Variants in NTSR1 observed in about 807,000 individuals in gnomAD.
NTSR1 encodes neurotensin receptor 1, also known as neurotensin receptor type 1.
Under a neutral mutation model 31.2 loss-of-function variants are expected in NTSR1, and 29 were observed. The observed-to-expected ratio is 0.93, with a 90% CI of 0.69 to 1.27. The LOEUF is 1.27. NTSR1 is among the 50% of genes most tolerant of loss of function. NTSR1 has a pLI of 0.00. For missense variants in NTSR1, 697 were observed against 595.4 expected (o/e 1.17, Z -1.78); for synonymous variants, 282 against 269.9 (o/e 1.04, Z -0.44).
At chr20:62,736,399 C>T (rs1989093633) in intron 1 of NTSR1, among the ~76,000 whole-genome samples, 1 of 152,250 alleles carries the variant, frequency 6.6e-6, no homozygotes, top group Admixed American at 6.5e-5. Context: ...GAACCAAACC[C>T]CTCTCACAGT....
chr20:62,759,729 C>T (rs111956194), intron 3 of NTSR1, among the ~76,000 whole-genome samples: 6,881 of 146,924 alleles, frequency 0.047, 183 homozygotes, highest in South Asian at 0.078. Flanking sequence ...GAGCCGAGAT[C>T]GCGCCACTGT....
chr20:62,709,600 C>T lies in NTSR1; in HGVS notation c.393C>T (p.His131=). Residue 131 remains histidine, a synonymous_variant, in exon 1 of 4, where the codon CAC becomes CAT. Transcript: ENST00000370501. ...PVELYNFIWV[H]HPWAFGDAGC... Reference sequence around the variant, plus strand: ...AGCTGTACAACTTCATCTGGGTGCACCACCCCTGGGCCTTCGGCGACGCCG... The same window carrying T: ...AGCTGTACAACTTCATCTGGGTGCATCACCCCTGGGCCTTCGGCGACGCCG... 1 of 1,611,678 alleles carries T rather than the reference C, an allele frequency of 6.2e-7. No individual in the cohort carries two copies. Among genetic ancestry groups the T allele is most frequent in the Non-Finnish European group, 8.5e-7 (1 of 1,179,908 alleles).
At chr20:62,752,829 C>G (rs1989417142) in intron 1 of NTSR1, among the ~76,000 whole-genome samples, 1 of 152,132 alleles carries the variant, frequency 6.6e-6, no homozygotes, top group African/African-American at 2.4e-5. Context: ...TTACCTGCCC[C>G]CAGTCTCACC....
intron 1 of NTSR1, among the ~76,000 whole-genome samples, chr20:62,739,764 T>A (rs1485325192): frequency 6.6e-6 from 1 of 152,264 alleles, no homozygotes; most frequent in Non-Finnish European, 1.5e-5. Context: ...ATGTGCCTGA[T>A]GCCCATATGT....
chr20:62,714,365 G>T lies in NTSR1; in HGVS notation c.714+4444G>T, dbSNP rs978104482. Among the ~76,000 whole-genome samples, 4 of 152,204 alleles carry T rather than the reference G, an allele frequency of 2.6e-5. No individual in the cohort carries two copies. The highest frequency in any genetic ancestry group is 9.7e-5 in the African/African-American group (4 of 41,442). On this transcript the variant is annotated intron_variant, in intron 1 of 3. Transcript: ENST00000370501. This position sits in a 1 kb window ranked among gnomAD's most constrained non-coding sequence, Gnocchi z 4.1. ...TTTTCCTGCCTTTTCTATTCAAACG[G>T]TACTTTAGAATAACCCAAGAGTAGA...
In NTSR1 at chr20:62,760,154, C is replaced by G; in HGVS notation, c.1144C>G (p.Leu382Val). The part of the protein sequence containing the change: ...RHIFLATLAC[L>V]CPVWRRRRKR... ...CATCTTCCTGGCCACACTGGCCTGC[C>G]TCTGCCCGGTGTGGCGGCGCAGGAG... The change falls in exon 4 of 4, where the codon CTC (leucine) becomes GTC (valine). Residue 382 changes from leucine to valine, a missense_variant. Coordinates refer to ENST00000370501, the MANE Select transcript of NTSR1 (RefSeq NM_002531.3). 1 of 1,614,194 alleles carries G rather than the reference C, an allele frequency of 6.2e-7. No homozygotes were observed. Among genetic ancestry groups the G allele is most frequent in the Non-Finnish European group, 8.5e-7 (1 of 1,180,040 alleles).
rs767880548 is a variant in NTSR1, at chr20:62,715,295, C to T, written c.714+5374C>T. 3.3e-5 allele frequency among the ~76,000 whole-genome samples: 5 copies of T among 152,106 alleles called. No individual in the cohort carries two copies. Among genetic ancestry groups the T allele is most frequent in the Non-Finnish European group, 7.4e-5 (5 of 68,016 alleles). On this transcript the variant is annotated intron_variant, in intron 1 of 3. Transcript: ENST00000370501. This position sits in a 1 kb window ranked among gnomAD's most constrained non-coding sequence, Gnocchi z 4.7. ...CTGCCTGTTGGAGCCAGGTGGGAGA[C>T]GGCAGGGTGAGGACGTGCAGACATG...
At chr20:62,756,646 C>T (rs1008851150) in intron 2 of NTSR1, 2 of 152,302 alleles carry the variant, frequency 1.3e-5, no homozygotes, top group African/African-American at 4.8e-5. Context: ...GCTCTCAGGG[C>T]TGGCGAAGCC....
At position 62,759,983 on chromosome 20, in the gene NTSR1, C is replaced by G. The variant is rs752945112; in HGVS notation, c.1008-35C>G. ...CCCTGCCTTGGGGCCCTCAAGAGTT[C>G]TCTCTGGGATCTGAGCGCCTCTCTC... On this transcript the variant is annotated intron_variant, in intron 3 of 3. Coordinates refer to ENST00000370501, the MANE Select transcript of NTSR1 (RefSeq NM_002531.3). 2.5e-6 allele frequency: 4 copies of G among 1,605,022 alleles called. No homozygotes were observed. The South Asian group carries it at 4.4e-5, about 18-fold the overall frequency.
intron 1 of NTSR1, among the ~76,000 whole-genome samples, chr20:62,718,999 C>T (rs1988784055): frequency 6.6e-6 from 1 of 152,134 alleles, no homozygotes; most frequent in African/African-American, 2.4e-5. Context: ...GCAGTGGTCA[C>T]TCTGCATCCT....
intron 1 of NTSR1, among the ~76,000 whole-genome samples, chr20:62,750,274 G>C (rs1989370428): frequency 6.6e-6 from 1 of 152,224 alleles, no homozygotes. Context: ...AGAGAGCAGA[G>C]CACTGAGTGC....
intron 1 of NTSR1, among the ~76,000 whole-genome samples, chr20:62,740,163 CTGTGCTAAG>C (rs1418684549): frequency 1.3e-5 from 2 of 152,258 alleles, no homozygotes; most frequent in Admixed American, 6.5e-5. Context: ...CCAAAGCGCT[CTGTGCTAAG>C]TGTGTTAGCT....
chr20:62,738,012 T>A (rs889710289), intron 1 of NTSR1, among the ~76,000 whole-genome samples: 1 of 152,110 alleles, frequency 6.6e-6, no homozygotes, highest in African/African-American at 2.4e-5. Flanking sequence ...TGCCCCCTGG[T>A]CCTCCGCAAC....
intron 1 of NTSR1, among the ~76,000 whole-genome samples, chr20:62,718,252 C>T (rs908976213): frequency 1.3e-5 from 2 of 152,056 alleles, no homozygotes; most frequent in Non-Finnish European, 2.9e-5. Flanking sequence ...AGGGACAGTT[C>T]TGACTGCTTT....
At chr20:62,728,281 C>G (rs1238471833) in intron 1 of NTSR1, among the ~76,000 whole-genome samples, 1 of 152,144 alleles carries the variant, frequency 6.6e-6, no homozygotes, top group Non-Finnish European at 1.5e-5. Context: ...CTCTCTTTCC[C>G]TCCCCGGCTA....
intron 1 of NTSR1, among the ~76,000 whole-genome samples, chr20:62,738,275 G>A (rs1425515133): frequency 2.0e-5 from 3 of 152,224 alleles, no homozygotes; most frequent in Non-Finnish European, 4.4e-5. Flanking sequence ...CAGGGACAGG[G>A]ACAGACAAGG....
intron 1 of NTSR1, among the ~76,000 whole-genome samples, chr20:62,752,245 G>A (rs1019093582): frequency 2.6e-5 from 4 of 152,162 alleles, no homozygotes; most frequent in African/African-American, 9.7e-5. Context: ...CCGAGTCCCC[G>A]CGCTGCCGAT....
chr20:62,728,463 G>C (rs1988947824), intron 1 of NTSR1, among the ~76,000 whole-genome samples: 2 of 152,212 alleles, frequency 1.3e-5, no homozygotes, highest in Non-Finnish European at 2.9e-5. Context: ...TCCGTTTCCA[G>C]CACCAGCTTC....
chr20:62,760,601 A>C lies in NTSR1; in HGVS notation c.*334A>C. On this transcript the variant is annotated 3_prime_UTR_variant, in exon 4 of 4. Coordinates refer to ENST00000370501, the MANE Select transcript of NTSR1 (RefSeq NM_002531.3). ...GTTTTCTTTGTTCTCAGACTAATGG[A>C]TGGTTCCAGAGAAGGAAATGAAAGG... 1 of 254,248 alleles carries C rather than the reference A, an allele frequency of 3.9e-6. No individual in the cohort carries two copies. Among genetic ancestry groups the C allele is most frequent in the Non-Finnish European group, 7.6e-6 (1 of 130,882 alleles). The allele number at this position is 254,248 out of a possible 1,614,324, so 15.7% of individuals were successfully genotyped here. A position where few individuals can be genotyped will look rare whatever the true frequency, so the allele number is the denominator to read the frequency against.
Sources: gnomAD v4.1 joint callset for allele counts (sites outside exome capture counted in the v4.1 genomes callset) on GRCh38, gnomAD v4.1.1 for gene constraint, Gnocchi (gnomAD v3.1) non-coding constraint, MANE v1.5 for transcripts, NCBI Gene and HGNC (gene_info 2026-07-23, HGNC 2026-07-21) for gene names.